The following BCAR3 variants were observed in gnomAD, a reference collection of about 807,000 sequenced individuals.
BCAR3 encodes the protein breast cancer anti-estrogen resistance protein 3.
Under a neutral mutation model 80.1 loss-of-function variants are expected in BCAR3, and 37 were observed. The ratio of observed to expected loss-of-function variants is 0.46; its 90% CI spans 0.36 to 0.61. The LOEUF (loss-of-function observed/expected upper bound fraction) is 0.61, where lower values mean the gene tolerates loss of function less well. Ranked by LOEUF, BCAR3 falls within the 20% of genes least tolerant of loss-of-function variation. The probability of loss-of-function intolerance (pLI) is 0.00; values close to 1 mark genes in which losing one functional copy is unlikely to be tolerated. For synonymous variants in BCAR3, 389 were observed against 418.9 expected (o/e 0.93, Z 0.87); for missense variants, 978 against 1,068.2 (o/e 0.92, Z 1.18).
Position 93,589,014 on chromosome 1 carries a change from C to T in BCAR3, c.892G>A (p.Ala298Thr). The stretch of plus-strand genomic sequence containing the variant: ...CCCCTGGGCAAATTCTGCTCTCGGG[C>T]CTGGACGCCACCCATGGTGAGGCTC... Reference protein sequence around the residue: ...RLSLTMGGVQAREQNLPRGNL... With the variant: ...RLSLTMGGVQTREQNLPRGNL... The change falls in exon 5 of 12, where the codon GCC becomes ACC. Residue 298 changes from alanine to threonine, a missense_variant. Physicochemically the swap from Ala to Thr is moderately conservative, Grantham distance 58. Transcript: ENST00000260502. 6.3e-7 allele frequency: 1 copy of T among 1,597,336 alleles called. No individual in the cohort carries two copies. The highest frequency in any genetic ancestry group is 8.6e-7 in the Non-Finnish European group (1 of 1,168,790).
At chr1:93,755,742 T>C (rs558288849) in intron 2 of BCAR3, among the ~76,000 whole-genome samples, 6 of 152,266 alleles carry the variant, frequency 3.9e-5, no homozygotes, top group Admixed American at 2.6e-4. Flanking sequence ...TAAAAAGATA[T>C]AGAGTGAAGA....
intron 2 of BCAR3, among the ~76,000 whole-genome samples, chr1:93,837,299 A>C (rs773107281): frequency 6.6e-6 from 1 of 152,266 alleles, no homozygotes; most frequent in Non-Finnish European, 1.5e-5. Flanking sequence ...GAATGGACTA[A>C]TACAGCTAGC....
chr1:93,639,475 ATT>A (rs139593635), intron 3 of BCAR3, among the ~76,000 whole-genome samples: 19 of 128,042 alleles, frequency 1.5e-4, no homozygotes, highest in Admixed American at 2.4e-4. Flanking sequence ...GGGGAGCAGC[ATT>A]TTTTTTTTTT....
At chr1:93,619,095 C>G (rs552228454) in intron 3 of BCAR3, among the ~76,000 whole-genome samples, 6 of 147,266 alleles carry the variant, frequency 4.1e-5, no homozygotes, top group African/African-American at 7.8e-5. Context: ...CATGCCACCA[C>G]GCCAATTTTT....
chr1:93,592,576 T>C lies in BCAR3; in HGVS notation c.358-183A>G, dbSNP rs1570944825. On this transcript the variant is annotated intron_variant, in intron 3 of 11. Transcript: ENST00000260502. This position sits in a 1 kb window ranked among gnomAD's most constrained non-coding sequence, Gnocchi z 4.8. Reference sequence around the variant, plus strand: ...CGTTTCTCCGGCCGCAACCATGTAATAAAATTTTCACCTGCACATGGGGAC... The same window carrying C: ...CGTTTCTCCGGCCGCAACCATGTAACAAAATTTTCACCTGCACATGGGGAC... The C allele has an allele frequency of 3.9e-6, 3 of 766,686 alleles. No individual in the cohort carries two copies. In the East Asian group the frequency reaches 9.6e-5, roughly 24 times the overall value. 47.5% of individuals were successfully genotyped at this position (766,686 alleles called of 1,614,324 possible).
At chr1:93,649,087 G>C (rs1676239281) in intron 2 of BCAR3, among the ~76,000 whole-genome samples, 1 of 152,240 alleles carries the variant, frequency 6.6e-6, no homozygotes, top group Non-Finnish European at 1.5e-5. Flanking sequence ...AGGATAAGAA[G>C]ACTGAGAACA....
At chr1:93,774,093 G>T (rs1288913515) in intron 2 of BCAR3, among the ~76,000 whole-genome samples, 2 of 152,182 alleles carry the variant, frequency 1.3e-5, no homozygotes, top group Non-Finnish European at 2.9e-5. Context: ...CACAAAGGAA[G>T]TTAAGAGCAA....
intron 2 of BCAR3, among the ~76,000 whole-genome samples, chr1:93,660,969 C>T (rs1647621821): frequency 6.6e-6 from 1 of 152,174 alleles, no homozygotes; most frequent in African/African-American, 2.4e-5. Flanking sequence ...CTCCACCTCC[C>T]GGGTTCAAGT....
chr1:93,613,805 C>T lies in BCAR3; in HGVS notation c.358-21412G>A, dbSNP rs747444150. On this transcript the variant is annotated intron_variant, in intron 3 of 11. Coordinates refer to ENST00000260502, the MANE Select transcript of BCAR3 (RefSeq NM_003567.4). ...GGAAACTCATGCTTTCAGGGTCCCC[C>T]AAAAGATTGACAGATGTACTTTATT... 7.8e-6 allele frequency: 12 copies of T among 1,545,208 alleles called. No homozygotes were observed. The African/African-American group carries it at 1.4e-4, about 18-fold the overall frequency.
intron 2 of BCAR3, among the ~76,000 whole-genome samples, chr1:93,819,712 A>G (rs750558352): frequency 6.6e-6 from 1 of 152,144 alleles, no homozygotes; most frequent in African/African-American, 2.4e-5. Flanking sequence ...CACAAACACT[A>G]TAACTTTGCC....
chr1:93,778,857 T>G (rs1196672700), intron 2 of BCAR3, among the ~76,000 whole-genome samples: 2 of 152,228 alleles, frequency 1.3e-5, no homozygotes, highest in Non-Finnish European at 2.9e-5. Flanking sequence ...TAAACCATTA[T>G]ACAATCACAT....
chr1:93,583,801 C>T (rs1413259399), intron 6 of BCAR3, among the ~76,000 whole-genome samples: 1 of 152,192 alleles, frequency 6.6e-6, no homozygotes, highest in Non-Finnish European at 1.5e-5. Flanking sequence ...ATAATCATGC[C>T]TACCCTGAAG....
chr1:93,827,510 G>A (rs750835433), intron 2 of BCAR3, among the ~76,000 whole-genome samples: 2 of 152,012 alleles, frequency 1.3e-5, no homozygotes, highest in South Asian at 4.2e-4. Flanking sequence ...GGATCTTGGA[G>A]GACCAAAGCA....
At chr1:93,739,723 A>C (rs1434407038) in intron 2 of BCAR3, among the ~76,000 whole-genome samples, 1 of 152,202 alleles carries the variant, frequency 6.6e-6, no homozygotes, top group African/African-American at 2.4e-5. Flanking sequence ...ATGCCTAAAA[A>C]ATGAGTACAG....
intron 2 of BCAR3, among the ~76,000 whole-genome samples, chr1:93,845,149 G>T (rs958675394): frequency 1.4e-4 from 21 of 151,782 alleles, no homozygotes; most frequent in African/African-American, 5.1e-4. Flanking sequence ...CATCTCAACT[G>T]TCACTTAATC....
chr1:93,820,582 G>A (rs1286262129), intron 2 of BCAR3, among the ~76,000 whole-genome samples: 1 of 152,188 alleles, frequency 6.6e-6, no homozygotes, highest in Non-Finnish European at 1.5e-5. Flanking sequence ...ATAGGGCAAG[G>A]TATGTGGGAG....
At chr1:93,735,286 T>G (rs1650936452) in intron 2 of BCAR3, among the ~76,000 whole-genome samples, 1 of 152,204 alleles carries the variant, frequency 6.6e-6, no homozygotes, top group Admixed American at 6.5e-5. Context: ...GGAACCACAT[T>G]CCAAAAGCCT....
rs1448121249 is a variant in BCAR3 at position 93,582,474 on chromosome 1, C to T, written c.1513G>A (p.Val505Met). The change falls in exon 7 of 12, where the codon GTG becomes ATG. Residue 505 changes from valine to methionine, a missense_variant. Coordinates refer to ENST00000260502, the MANE Select transcript of BCAR3 (RefSeq NM_003567.4). ...EKGQWDKGEF[V>M]TPLLETVSSF... ...GAGACAGTCTCCAGGAGGGGCGTCA[C>T]AAACTCGCCCTTGTCCCACTGCCCC... 1 of 1,614,214 alleles carries T rather than the reference C, an allele frequency of 6.2e-7. No homozygotes were observed. Among genetic ancestry groups the T allele is most frequent in the Non-Finnish European group, 8.5e-7 (1 of 1,180,032 alleles).
chr1:93,784,821 G>T (rs1184082464), intron 2 of BCAR3, among the ~76,000 whole-genome samples: 1 of 152,218 alleles, frequency 6.6e-6, no homozygotes, highest in South Asian at 2.1e-4. Flanking sequence ...CTTCCAGAGA[G>T]GAGGTCTTTG....
Sources: allele counts gnomAD v4.1 joint callset (sites outside exome capture counted in the v4.1 genomes callset), GRCh38; gene constraint gnomAD v4.1.1; non-coding constraint Gnocchi (gnomAD v3.1); transcripts MANE v1.5; gene names NCBI Gene and HGNC (gene_info 2026-07-23, HGNC 2026-07-21).